Variants in GOLM2 observed in about 807,000 individuals in gnomAD.
GOLM2 encodes the protein golgi membrane protein 2.
Under a neutral mutation model 55.9 loss-of-function variants are expected in GOLM2, and 26 were observed. The ratio of observed to expected loss-of-function variants is 0.47; its 90% CI spans 0.34 to 0.65. The LOEUF (loss-of-function observed/expected upper bound fraction) is 0.65, where lower values mean the gene tolerates loss of function less well. Ranked by LOEUF, GOLM2 falls within the 30% of genes least tolerant of loss-of-function variation. The probability of loss-of-function intolerance (pLI) is 0.01; values close to 1 mark genes in which losing one functional copy is unlikely to be tolerated. For missense variants in GOLM2, 486 were observed against 531.8 expected (o/e 0.91, Z 0.85); for synonymous variants, 165 against 194.6 (o/e 0.85, Z 1.27).
chr15:44,412,605 T>C (rs960768725), intron 9 of GOLM2, among the ~76,000 whole-genome samples: 8 of 152,132 alleles, frequency 5.3e-5, no homozygotes, highest in African/African-American at 1.9e-4. Flanking sequence ...TTGGATACTT[T>C]TATAATTTAG....
At chr15:44,311,017 AAACAAC>A (rs768821446) in intron 1 of GOLM2, among the ~76,000 whole-genome samples, 1 of 152,098 alleles carries the variant, frequency 6.6e-6, no homozygotes, top group East Asian at 1.9e-4. Flanking sequence ...ACTTCATTTC[AAACAAC>A]AACAACAACA....
intron 6 of GOLM2, among the ~76,000 whole-genome samples, chr15:44,378,729 C>G (rs1249939951): frequency 6.6e-6 from 1 of 152,080 alleles, no homozygotes; most frequent in Non-Finnish European, 1.5e-5. Context: ...TTGAAGATCA[C>G]TGTATCTGAA....
rs187664202 is a variant in GOLM2, at chr15:44,415,242, T to G, written c.*1836T>G. On this transcript the variant is annotated 3_prime_UTR_variant, in exon 10 of 10. Coordinates refer to ENST00000299957, the MANE Select transcript of GOLM2 (RefSeq NM_138423.4). ...TTTATAGGGTCAGGCCTACAATGAA[T>G]AGGTATGGTGGTTTCACAGAATTTT... The G allele has an allele frequency of 6.0e-4, 91 of 152,750 alleles. 1 individual carries two copies. Among genetic ancestry groups the G allele is most frequent in the Non-Finnish European group, 5.9e-5 (4 of 68,026 alleles). The allele number at this position is 152,750 out of a possible 1,614,324, so 9.5% of individuals were successfully genotyped here. A position where few individuals can be genotyped will look rare whatever the true frequency, so the allele number is the denominator to read the frequency against.
intron 1 of GOLM2, among the ~76,000 whole-genome samples, chr15:44,293,756 G>T (rs1175417391): frequency 6.6e-6 from 1 of 152,072 alleles, no homozygotes; most frequent in East Asian, 1.9e-4. Flanking sequence ...GTGCTTGTCA[G>T]GTTTCTCCAC....
intron 8 of GOLM2, among the ~76,000 whole-genome samples, chr15:44,395,171 C>T (rs1425696444): frequency 4.0e-5 from 6 of 150,190 alleles, no homozygotes; most frequent in East Asian, 4.0e-4. Context: ...CCACCACGCC[C>T]GGCTAATTTT....
intron 6 of GOLM2, among the ~76,000 whole-genome samples, chr15:44,378,884 T>TA (rs1338445272): frequency 6.6e-6 from 1 of 151,646 alleles, no homozygotes; most frequent in African/African-American, 2.4e-5. Flanking sequence ...TAGCTGGGAT[T>TA]ATAGACACGC....
At chr15:44,291,775 A>G (rs1433534003) in intron 1 of GOLM2, among the ~76,000 whole-genome samples, 4 of 152,192 alleles carry the variant, frequency 2.6e-5, no homozygotes, top group Non-Finnish European at 5.9e-5. Flanking sequence ...CTCTCCCATA[A>G]GAGCAGTATT....
chr15:44,385,225 T>TA (rs762136413), intron 8 of GOLM2, among the ~76,000 whole-genome samples: 4 of 152,232 alleles, frequency 2.6e-5, no homozygotes, highest in Non-Finnish European at 5.9e-5. Context: ...ATGATAGTTC[T>TA]ATGTTTAGCT....
At chr15:44,319,924 T>C (rs552960123) in intron 1 of GOLM2, among the ~76,000 whole-genome samples, 1 of 152,330 alleles carries the variant, frequency 6.6e-6, no homozygotes, top group East Asian at 1.9e-4. Context: ...AATTGACGTA[T>C]AATTCATGTA....
At chr15:44,412,278 C>T (rs1214931264) in intron 9 of GOLM2, among the ~76,000 whole-genome samples, 2 of 152,234 alleles carry the variant, frequency 1.3e-5, no homozygotes, top group African/African-American at 4.8e-5. Flanking sequence ...GGTAAATTGA[C>T]AAGAAGGCAA....
In GOLM2 at chr15:44,306,532, C is replaced by T. The variant is rs117210992; in HGVS notation, c.328-16433C>T. Among the ~76,000 whole-genome samples, 762 of 152,330 alleles carry T rather than the reference C, an allele frequency of 5.0e-3. 5 individuals are homozygous for T. Among genetic ancestry groups the T allele is most frequent in the Middle Eastern group, 0.01 (3 of 294 alleles). The stretch of plus-strand genomic sequence containing the variant: ...TGCCTTCTCGTTATTCATGTGTTCA[C>T]TAAAGTAACACTTTGAATTTCCTTA... On this transcript the variant is annotated intron_variant, in intron 1 of 9. Transcript: ENST00000299957.
At chr15:44,312,683 T>G (rs1468188009) in intron 1 of GOLM2, among the ~76,000 whole-genome samples, 1 of 152,054 alleles carries the variant, frequency 6.6e-6, no homozygotes, top group Non-Finnish European at 1.5e-5. Context: ...CGGTGGCTCA[T>G]GCCTATAATC....
Position 44,289,119 on chromosome 15 carries a change from C to G in GOLM2, c.90C>G (p.Phe30Leu). The change falls in exon 1 of 10, where the codon TTC (phenylalanine) becomes TTG (leucine). Residue 30 changes from phenylalanine to leucine, a missense_variant. Transcript: ENST00000299957. The surrounding 1 kb of genome is among the most constrained non-coding windows in gnomAD (Gnocchi z 4.8). ...TGGTGGTGATCGTCGTCCTCGCCTT[C>G]AACTACTGGAGCATCTCCTCCCGCC... ...VLLVVIVVLA[F>L]NYWSISSRHV... The G allele has an allele frequency of 3.1e-6, 5 of 1,614,184 alleles. No individual in the cohort carries two copies. The highest frequency in any genetic ancestry group is 4.2e-6 in the Non-Finnish European group (5 of 1,180,012).
intron 1 of GOLM2, among the ~76,000 whole-genome samples, chr15:44,318,644 G>T (rs2078928481): frequency 2.0e-5 from 3 of 151,792 alleles, no homozygotes; most frequent in African/African-American, 7.3e-5. Context: ...GGGACGTGGA[G>T]GTTGCAGCGA....
intron 6 of GOLM2, among the ~76,000 whole-genome samples, chr15:44,372,929 C>T (rs1247586318): frequency 6.6e-6 from 1 of 152,138 alleles, no homozygotes; most frequent in African/African-American, 2.4e-5. Context: ...TCATTCATAC[C>T]TCTGCTCAAA....
chr15:44,372,207 A>T (rs1386866027), intron 6 of GOLM2, among the ~76,000 whole-genome samples: 1 of 152,192 alleles, frequency 6.6e-6, no homozygotes, highest in Non-Finnish European at 1.5e-5. Context: ...GTAAATATAG[A>T]AACCCATGCC....
chr15:44,311,199 C>T (rs2078873205), intron 1 of GOLM2, among the ~76,000 whole-genome samples: 1 of 152,194 alleles, frequency 6.6e-6, no homozygotes, highest in Non-Finnish European at 1.5e-5. Context: ...GATTATGCCA[C>T]TGCCTTGATG....
chr15:44,314,602 T>C (rs2078896523), intron 1 of GOLM2, among the ~76,000 whole-genome samples: 4 of 151,818 alleles, frequency 2.6e-5, no homozygotes, highest in Admixed American at 2.6e-4. Context: ...ATATAAATTA[T>C]ACTAAAACTT....
At chr15:44,327,126 T>C (rs1056532020) in intron 2 of GOLM2, among the ~76,000 whole-genome samples, 10 of 151,566 alleles carry the variant, frequency 6.6e-5, no homozygotes, top group African/African-American at 2.2e-4. Flanking sequence ...AATTTTTGTA[T>C]TTTTAGTAGA....
Sources: gnomAD v4.1 joint callset for allele counts (sites outside exome capture counted in the v4.1 genomes callset) on GRCh38, gnomAD v4.1.1 for gene constraint, Gnocchi (gnomAD v3.1) non-coding constraint, MANE v1.5 for transcripts, NCBI Gene and HGNC (gene_info 2026-07-23, HGNC 2026-07-21) for gene names.